C10orf143: variants seen among roughly 807,000 people sequenced by gnomAD.
C10orf143 encodes uncharacterized protein C10orf143.
chr10:130,081,715 CAACT>C (rs1401031777), intron 1 of C10orf143, among the ~76,000 whole-genome samples: 2 of 27,010 alleles, frequency 7.4e-5, no homozygotes, highest in African/African-American at 3.6e-4. Context: ...CTTAGGTCAC[CAACT>C]GAGAGGAAAG....
At chr10:130,036,206 G>A (rs1337904589) in intron 3 of C10orf143, among the ~76,000 whole-genome samples, 1 of 152,188 alleles carries the variant, frequency 6.6e-6, no homozygotes, top group Admixed American at 6.5e-5. Context: ...GGGAAACTGA[G>A]GCTCAGGAAG....
rs1861174763 is a variant in C10orf143, at chr10:130,079,723, G to A, written c.234+14C>T. ...AACATGCTCACAAGTAGTTTGGTGG[G>A]AAGAGGAACATACCCCTGTACTTAG... is the stretch of plus-strand genomic sequence containing the variant. On this transcript the variant is annotated intron_variant, in intron 2 of 3. Transcript: ENST00000637128. The A allele has an allele frequency of 2.5e-6, 1 of 398,660 alleles. No homozygotes were observed. Among genetic ancestry groups the A allele is most frequent in the Non-Finnish European group, 4.4e-6 (1 of 226,066 alleles). 24.7% of individuals were successfully genotyped at this position (398,660 alleles called of 1,614,324 possible).
chr10:130,102,836 A>T (rs1861579029), intron 1 of C10orf143, among the ~76,000 whole-genome samples: 1 of 152,060 alleles, frequency 6.6e-6, no homozygotes, highest in African/African-American at 2.4e-5. Flanking sequence ...TTTACCCTGA[A>T]ATTGACTTTG....
intron 1 of C10orf143, chr10:130,108,543 T>A: frequency 1.6e-6 from 1 of 619,446 alleles, no homozygotes; most frequent in Admixed American, 2.9e-5. Flanking sequence ...TTGCTCAAAT[T>A]GAAACTTAAT....
At position 130,102,898 on chromosome 10, in the gene C10orf143, T is replaced by C. The variant is rs544520126; in HGVS notation, c.69+7806A>G. On this transcript the variant is annotated intron_variant, in intron 1 of 3. Coordinates refer to ENST00000637128, the MANE Select transcript of C10orf143 (RefSeq NM_001355042.2). ...TTTCTTCTGGTCAGTGTTAGCGTGA[T>C]TTTTTTTGCGTCCTTTTATTTATCT... Among the ~76,000 whole-genome samples, 7 of 152,164 alleles carry C rather than the reference T, an allele frequency of 4.6e-5. No homozygotes were observed. The East Asian group carries it at 9.7e-4, about 21-fold the overall frequency.
At position 130,101,865 on chromosome 10, in the gene C10orf143, C is replaced by CAAAAAAAAA. The variant is rs1267433489; in HGVS notation, c.69+8830_69+8838dup. ...ACTCTGTCTCAAAAAAAAAAAAAAC[C>CAAAAAAAAA]AAAAAAAAAAAAAAAAAAAACTTTT... On this transcript the variant is annotated intron_variant, in intron 1 of 3. Coordinates refer to ENST00000637128, the MANE Select transcript of C10orf143 (RefSeq NM_001355042.2). Among the ~76,000 whole-genome samples, 32 of 47,734 alleles carry CAAAAAAAAA rather than the reference C, an allele frequency of 6.7e-4. 6 individuals carry two copies. Among genetic ancestry groups the CAAAAAAAAA allele is most frequent in the African/African-American group, 2.9e-3 (22 of 7,584 alleles). 31.3% of individuals were successfully genotyped at this position (47,734 alleles called of 152,430 possible). A position where few individuals can be genotyped will look rare whatever the true frequency, so the allele number is the denominator to read the frequency against.
At chr10:130,077,809 A>T (rs988963281) in intron 3 of C10orf143, among the ~76,000 whole-genome samples, 1 of 152,252 alleles carries the variant, frequency 6.6e-6, no homozygotes, top group Non-Finnish European at 1.5e-5. Flanking sequence ...TTAGAAGAAG[A>T]AGATATATGC....
intron 1 of C10orf143, among the ~76,000 whole-genome samples, chr10:130,087,774 C>T (rs1333602736): frequency 6.6e-6 from 1 of 152,166 alleles, no homozygotes; most frequent in Non-Finnish European, 1.5e-5. Context: ...GACATCTCCC[C>T]AAAGCCCCTA....
intron 1 of C10orf143, among the ~76,000 whole-genome samples, chr10:130,085,264 A>T (rs1307338441): frequency 6.6e-6 from 1 of 152,214 alleles, no homozygotes; most frequent in Non-Finnish European, 1.5e-5. Flanking sequence ...TTAATTGTAA[A>T]GAGAAAAATA....
intron 3 of C10orf143, among the ~76,000 whole-genome samples, chr10:130,040,198 C>T (rs916281272): frequency 6.6e-6 from 1 of 152,134 alleles, no homozygotes; most frequent in Non-Finnish European, 1.5e-5. Context: ...GATCCATGCC[C>T]CCAGCCCCCA....
At chr10:130,097,829 C>T (rs1278105993) in intron 1 of C10orf143, among the ~76,000 whole-genome samples, 2 of 152,088 alleles carry the variant, frequency 1.3e-5, no homozygotes, top group Non-Finnish European at 2.9e-5. Context: ...AGGTATGACT[C>T]CCTTTACAAG....
intron 1 of C10orf143, chr10:130,108,144 C>T (rs1187142225): frequency 2.5e-6 from 4 of 1,569,114 alleles, no homozygotes; most frequent in African/African-American, 1.4e-5. Context: ...ATCAGAGGTC[C>T]ACTGTTTCCA....
intron 3 of C10orf143, among the ~76,000 whole-genome samples, chr10:130,074,653 T>C (rs1861086594): frequency 6.6e-6 from 1 of 152,160 alleles, no homozygotes; most frequent in African/African-American, 2.4e-5. Context: ...GGCTTCCTGT[T>C]CTAGTGCAGT....
At chr10:130,040,708 C>T (rs1341410293) in intron 3 of C10orf143, among the ~76,000 whole-genome samples, 1 of 152,162 alleles carries the variant, frequency 6.6e-6, no homozygotes, top group East Asian at 1.9e-4. Flanking sequence ...TGGCGGGTGC[C>T]TGTAATTCCA....
At chr10:130,074,260 C>A (rs1861079038) in intron 3 of C10orf143, among the ~76,000 whole-genome samples, 3 of 152,226 alleles carry the variant, frequency 2.0e-5, no homozygotes, top group South Asian at 4.1e-4. Flanking sequence ...GGGGACCTCA[C>A]TTTCCTTATC....
chr10:130,101,551 T>C (rs1861550853), intron 1 of C10orf143, among the ~76,000 whole-genome samples: 1 of 151,950 alleles, frequency 6.6e-6, no homozygotes, highest in African/African-American at 2.4e-5. Context: ...AGTGGAAATA[T>C]CTTTCAAAAT....
downstream of C10orf143, among the ~76,000 whole-genome samples, chr10:130,061,953 G>T (rs1300389251): frequency 6.6e-6 from 1 of 151,860 alleles, no homozygotes; most frequent in Non-Finnish European, 1.5e-5. Flanking sequence ...TGAAGGCCAG[G>T]ATGGATGCCA....
At chr10:130,049,224 A>C (rs1018635185) in intron 3 of C10orf143, among the ~76,000 whole-genome samples, 1 of 152,118 alleles carries the variant, frequency 6.6e-6, no homozygotes, top group African/African-American at 2.4e-5. Flanking sequence ...TTGGATCTCC[A>C]TCCACAGGGA....
At chr10:130,072,707 CT>C (rs1162799966) in intron 3 of C10orf143, among the ~76,000 whole-genome samples, 1 of 152,162 alleles carries the variant, frequency 6.6e-6, no homozygotes, top group East Asian at 1.9e-4. Context: ...TTGCAGAACA[CT>C]GCAATAAAGT....
Sources: allele counts gnomAD v4.1 joint callset (sites outside exome capture counted in the v4.1 genomes callset), GRCh38; gene constraint gnomAD v4.1.1; transcripts MANE v1.5; gene names NCBI Gene and HGNC (gene_info 2026-07-23, HGNC 2026-07-21).